Variants in PLA2G12B observed in about 807,000 individuals in gnomAD.
PLA2G12B encodes the protein phospholipase A2 group XIIB.
In PLA2G12B, 19 loss-of-function variants were observed where a neutral mutation model predicts 22.3. The observed-to-expected ratio is 0.85, with a 90% CI of 0.60 to 1.25. The LOEUF (loss-of-function observed/expected upper bound fraction) is 1.25. PLA2G12B is among the 50% of genes most tolerant of loss of function. PLA2G12B has a pLI of 0.00. For synonymous variants in PLA2G12B, 81 were observed against 94.9 expected, an observed-to-expected ratio of 0.85 and a Z score of 0.85; for missense variants, 191 against 246.6, an observed-to-expected ratio of 0.77 and a Z score of 1.51.
Position 72,941,173 on chromosome 10 carries a change from C to T in PLA2G12B, c.462G>A (p.Val154=), listed in dbSNP as rs1846353698. Residue 154 remains valine (V), a synonymous_variant, in exon 3 of 4, where the codon GTG becomes GTA. Transcript: ENST00000373032. The part of the protein sequence containing the change: ...LKRSLGFVSK[V]EAACDSLVDT... ...ACGTGCCATTGAGACACCTACCTTCCACTTTGGAGACAAAGCCCAGACTCC... is the reference window on the plus strand; with the variant it reads ...ACGTGCCATTGAGACACCTACCTTCTACTTTGGAGACAAAGCCCAGACTCC... 1 of 1,613,970 alleles carries T rather than the reference C, an allele frequency of 6.2e-7. No homozygotes were observed. Among genetic ancestry groups the T allele is most frequent in the South Asian group, 1.1e-5 (1 of 91,056 alleles).
chr10:72,947,812 G>T (rs560044265), intron 1 of PLA2G12B, among the ~76,000 whole-genome samples: 1 of 152,312 alleles, frequency 6.6e-6, no homozygotes, highest in African/African-American at 2.4e-5. Context: ...AGATCAGGGT[G>T]CCAGTGCATT....
At chr10:72,954,341 T>C in intron 1 of PLA2G12B, 134 bp downstream of exon 1, 1 of 1,049,900 alleles carries the variant, frequency 9.5e-7, no homozygotes, top group Non-Finnish European at 1.4e-6. Context: ...CTGGGTGTCC[T>C]ACATTTTTAT....
At chr10:72,953,033 T>C (rs1846557477) in intron 1 of PLA2G12B, among the ~76,000 whole-genome samples, 1 of 152,186 alleles carries the variant, frequency 6.6e-6, no homozygotes, top group Admixed American at 6.5e-5. Flanking sequence ...ATGTCTGAAG[T>C]GAGTCAACCC....
chr10:72,942,152 GTGTGTGTGTGTGTGTGTGT>G (rs1846373277), intron 2 of PLA2G12B, among the ~76,000 whole-genome samples: 1 of 73,616 alleles, frequency 1.4e-5, no homozygotes, highest in African/African-American at 8.7e-5. Context: ...GGCGTCGGGT[GTGTGTGTGTGTGTGTGTGT>G]GTGTGTGTGT....
chr10:72,936,432 G>C (rs1352155841), intron 3 of PLA2G12B, among the ~76,000 whole-genome samples: 1 of 152,192 alleles, frequency 6.6e-6, no homozygotes, highest in East Asian at 1.9e-4. Context: ...TCAGGAAAAT[G>C]AAGTACTGAT....
intron 3 of PLA2G12B, among the ~76,000 whole-genome samples, chr10:72,937,711 T>A (rs1332222735): frequency 6.6e-6 from 1 of 152,206 alleles, no homozygotes; most frequent in African/African-American, 2.4e-5. Flanking sequence ...GGATTTAGCC[T>A]AAGAATGCTA....
intron 1 of PLA2G12B, among the ~76,000 whole-genome samples, chr10:72,944,764 C>A (rs886761944): frequency 2.6e-5 from 4 of 152,184 alleles, no homozygotes; most frequent in African/African-American, 9.6e-5. Context: ...TTCCTGGAAC[C>A]CAGGCTGCTT....
At chr10:72,935,881 G>C in intron 3 of PLA2G12B, 143 bp from the exon 4 acceptor site, 1 of 1,202,152 alleles carries the variant, frequency 8.3e-7, no homozygotes, top group East Asian at 2.6e-5. Flanking sequence ...TTCAGAGAAT[G>C]TTCTCAGAAA....
chr10:72,949,464 T>G (rs564452405), intron 1 of PLA2G12B, among the ~76,000 whole-genome samples: 1 of 152,358 alleles, frequency 6.6e-6, no homozygotes, highest in South Asian at 2.1e-4. Context: ...ATCTTTTGCC[T>G]ATTTCTTCAC....
chr10:72,942,199 T>C (rs573848423), intron 2 of PLA2G12B, among the ~76,000 whole-genome samples: 1 of 151,716 alleles, frequency 6.6e-6, no homozygotes, highest in African/African-American at 2.4e-5. Context: ...CAGATTTCTA[T>C]GATGTCAGCT....
chr10:72,940,438 C>T (rs1386643605), intron 3 of PLA2G12B, among the ~76,000 whole-genome samples: 2 of 133,212 alleles, frequency 1.5e-5, no homozygotes, highest in Non-Finnish European at 3.0e-5. Flanking sequence ...TTGCTGGGCG[C>T]GGTGGCTCAC....
Position 72,954,565 on chromosome 10 carries a change from C to A in PLA2G12B, c.121G>T (p.Gly41Ter). 6.2e-7 allele frequency: 1 copy of A among 1,614,198 alleles called. No individual in the cohort carries two copies. Among genetic ancestry groups the A allele is most frequent in the Non-Finnish European group, 8.5e-7 (1 of 1,180,040 alleles). The stretch of plus-strand genomic sequence containing the variant: ...TAGCTATTGACGGATTCAAAGCTTC[C>A]CCGGAGGTGCCGAAGGCCCCAGTCT... ...YSDWGLRHLR[G>*]SFESVNSYFD... is the part of the protein sequence containing the mutation. Residue 41 changes from glycine to a stop codon, truncating the protein, a stop_gained, in exon 1 of 4, where the codon GGA (glycine) becomes TGA (stop). Coordinates refer to ENST00000373032, the MANE Select transcript of PLA2G12B (RefSeq NM_032562.5). LOFTEE classifies it high-confidence loss of function.
intron 3 of PLA2G12B, among the ~76,000 whole-genome samples, chr10:72,936,686 T>C (rs1412768694): frequency 6.6e-6 from 1 of 152,206 alleles, no homozygotes; most frequent in East Asian, 1.9e-4. Context: ...ATTGTGGTGA[T>C]GGTTGTACAA....
intron 1 of PLA2G12B, among the ~76,000 whole-genome samples, chr10:72,950,452 A>C (rs956647221): frequency 3.3e-5 from 5 of 152,208 alleles, no homozygotes; most frequent in Admixed American, 1.3e-4. Context: ...CTCTTTAAAA[A>C]ATAGACTGAT....
chr10:72,936,100 T>A (rs573970308), intron 3 of PLA2G12B, among the ~76,000 whole-genome samples: 147 of 152,240 alleles, frequency 9.7e-4, no homozygotes, highest in African/African-American at 3.3e-3. Context: ...ACACACCGAA[T>A]CTCGCCTATA....
In PLA2G12B at chr10:72,941,308, T is replaced by C. The variant is rs749758826; in HGVS notation, c.327A>G (p.Thr109=). The change falls in exon 3 of 4, where the codon ACA becomes ACG. Residue 109 remains threonine, a synonymous_variant. Transcript: ENST00000373032. ...AGACATCCAGCTGGTTGCAGCACTT[T>C]GTCATTGCTGGAATGCCCAAGTCCA... The part of the protein sequence containing the change: ...ESMDLGIPAM[T]KCCNQLDVCY... 4 of 1,613,870 alleles carry C rather than the reference T, an allele frequency of 2.5e-6. No homozygotes were observed. Among genetic ancestry groups the C allele is most frequent in the East Asian group, 4.5e-5 (2 of 44,868 alleles).
chr10:72,947,251 T>G (rs893025468), intron 1 of PLA2G12B, among the ~76,000 whole-genome samples: 2 of 152,022 alleles, frequency 1.3e-5, no homozygotes, highest in African/African-American at 4.8e-5. Context: ...TTTTATTTTA[T>G]TTTTTGAGAC....
Position 72,952,655 on chromosome 10 carries a change from G to T in PLA2G12B, c.211+1820C>A, listed in dbSNP as rs549109292. 2.6e-5 allele frequency among the ~76,000 whole-genome samples: 4 copies of T among 152,314 alleles called. No homozygotes were observed. The East Asian group carries it at 7.7e-4, about 29-fold the overall frequency. On this transcript the variant is annotated intron_variant, in intron 1 of 3. Coordinates refer to ENST00000373032, the MANE Select transcript of PLA2G12B (RefSeq NM_032562.5). ...TTGAGAAGGTATTTTGTACTCTTTT[G>T]GGCACAGCCGCCAGGTTTTTGGCTC...
chr10:72,938,303 A>C (rs1449327392), intron 3 of PLA2G12B, among the ~76,000 whole-genome samples: 2 of 152,082 alleles, frequency 1.3e-5, no homozygotes, highest in Non-Finnish European at 2.9e-5. Flanking sequence ...AAAAATGTCC[A>C]CTCGCAATAC....
Sources: gnomAD v4.1 joint callset for allele counts (sites outside exome capture counted in the v4.1 genomes callset) on GRCh38, gnomAD v4.1.1 for gene constraint, MANE v1.5 for transcripts, NCBI Gene and HGNC (gene_info 2026-07-23, HGNC 2026-07-21) for gene names.